LRP1B: variants seen among roughly 807,000 people sequenced by gnomAD.
The protein encoded by LRP1B is LDL receptor related protein 1B.
A neutral mutation model predicts 556.6 loss-of-function variants in LRP1B; 217 were observed. The observed-to-expected ratio is 0.39, with a 90% CI of 0.35 to 0.44. The LOEUF (loss-of-function observed/expected upper bound fraction) is 0.44, where lower values mean the gene tolerates loss of function less well. Among genes scored for constraint, LRP1B ranks in the 20% least tolerant of loss-of-function variants. The pLI is 1.00. For synonymous variants in LRP1B, 2,047 were observed against 1,865.8 expected (o/e 1.10, Z -2.50); for missense variants, 5,053 against 5,620.8 (o/e 0.90, Z 3.23).
chr2:140,684,581 T>C (rs1341306162), intron 41 of LRP1B, among the ~76,000 whole-genome samples: 1 of 152,194 alleles, frequency 6.6e-6, no homozygotes, highest in African/African-American at 2.4e-5. Context: ...CAGATATTCA[T>C]AGATTACAGA....
chr2:141,464,607 T>TATATA lies in LRP1B; in HGVS notation c.343+15788_343+15789insTATAT, dbSNP rs1295526699. ...TTGTATATATATATATATATATATA[T>TATATA]TTTTTTAGTAGAGATGGGGTTTCAC... On this transcript the variant is annotated intron_variant, in intron 3 of 90. Coordinates refer to ENST00000389484, the MANE Select transcript of LRP1B (RefSeq NM_018557.3). 8.3e-5 allele frequency among the ~76,000 whole-genome samples: 5 copies of TATATA among 59,918 alleles called. 1 individual carries two copies. The highest frequency in any genetic ancestry group is 2.3e-4 in the African/African-American group (4 of 17,122). 39.3% of individuals were successfully genotyped at this position (59,918 alleles called of 152,430 possible). A position where few individuals can be genotyped will look rare whatever the true frequency, so the allele number is the denominator to read the frequency against.
chr2:141,232,837 T>C (rs1044977073), intron 5 of LRP1B, among the ~76,000 whole-genome samples: 1 of 152,182 alleles, frequency 6.6e-6, no homozygotes, highest in East Asian at 1.9e-4. Flanking sequence ...GGTTTACCTC[T>C]TTAGACAGAA....
chr2:141,070,333 T>C (rs1250363911), intron 7 of LRP1B, among the ~76,000 whole-genome samples: 1 of 149,734 alleles, frequency 6.7e-6, no homozygotes. Context: ...CATACCAGAA[T>C]CTCTGGGACA....
At chr2:140,970,712 ACCTTTTTTTTTTTTTTTTTTTTT>A (rs1696387922) in intron 18 of LRP1B, among the ~76,000 whole-genome samples, 2 of 126,420 alleles carry the variant, frequency 1.6e-5, no homozygotes, top group African/African-American at 6.7e-5. Flanking sequence ...TAATTTTTTA[ACCTTTTTTTTTTTTTTTTTTTTT>A]TTTTTTTTTT....
chr2:141,897,961 C>T (rs1699504545), intron 1 of LRP1B, among the ~76,000 whole-genome samples: 1 of 152,114 alleles, frequency 6.6e-6, no homozygotes, highest in South Asian at 2.1e-4. Flanking sequence ...TACAGAATTT[C>T]ATAGATGATA....
intron 87 of LRP1B, among the ~76,000 whole-genome samples, chr2:140,241,887 T>C (rs1305732152): frequency 6.6e-6 from 1 of 150,936 alleles, no homozygotes; most frequent in East Asian, 2.0e-4. Flanking sequence ...ACATTGTTAA[T>C]AGAGTATTAG....
At chr2:141,623,217 G>T (rs530989400) in intron 2 of LRP1B, among the ~76,000 whole-genome samples, 2 of 152,058 alleles carry the variant, frequency 1.3e-5, no homozygotes, top group Non-Finnish European at 2.9e-5. Flanking sequence ...ATGTTAACTC[G>T]CATTGTCCAT....
At chr2:140,242,933 A>C (rs2104891329) in intron 87 of LRP1B, among the ~76,000 whole-genome samples, 1 of 151,278 alleles carries the variant, frequency 6.6e-6, no homozygotes, top group African/African-American at 2.4e-5. Flanking sequence ...TTATTGTTTG[A>C]TTCAACTTAG....
intron 2 of LRP1B, among the ~76,000 whole-genome samples, chr2:141,740,094 T>C (rs1357898648): frequency 1.3e-5 from 2 of 152,146 alleles, no homozygotes; most frequent in African/African-American, 2.4e-5. Context: ...AAAACCATCA[T>C]TGTTTCATTA....
chr2:141,390,331 T>C (rs1403451833), intron 3 of LRP1B, among the ~76,000 whole-genome samples: 1 of 152,090 alleles, frequency 6.6e-6, no homozygotes, highest in Non-Finnish European at 1.5e-5. Context: ...AAATTGGAAA[T>C]CTTGTACACT....
chr2:140,471,558 A>G (rs147252425), intron 60 of LRP1B, among the ~76,000 whole-genome samples: 1 of 152,186 alleles, frequency 6.6e-6, no homozygotes, highest in Non-Finnish European at 1.5e-5. Flanking sequence ...AAGCTTACAT[A>G]TATCTCCAAT....
chr2:140,706,510 G>C (rs1686842669), intron 37 of LRP1B, among the ~76,000 whole-genome samples: 1 of 151,992 alleles, frequency 6.6e-6, no homozygotes. Flanking sequence ...AATTTTAAAA[G>C]GGACATTTAA....
At chr2:140,996,237 T>G (rs6728354) in intron 15 of LRP1B, among the ~76,000 whole-genome samples, 149,863 of 152,066 alleles carry the variant, frequency 0.99, 73,893 homozygotes, top group Middle Eastern at 1. Context: ...AATAATTCTA[T>G]CCCTGCCCAA....
chr2:141,930,301 C>A (rs1489666631), intron 1 of LRP1B, among the ~76,000 whole-genome samples: 1 of 151,920 alleles, frequency 6.6e-6, no homozygotes, highest in Non-Finnish European at 1.5e-5. Flanking sequence ...TTATAATGAC[C>A]ATATTCCCCT....
At position 140,935,105 on chromosome 2, in the gene LRP1B, A is replaced by G. The variant is rs536831909; in HGVS notation, c.3137-11958T>C. On this transcript the variant is annotated intron_variant, in intron 20 of 90. Transcript: ENST00000389484. Reference sequence around the variant, plus strand: ...CAAATTTCTAGTTTTCAACAAAAACAAAAATCACAAGGCATGCAAAGAAGA... The same window carrying G: ...CAAATTTCTAGTTTTCAACAAAAACGAAAATCACAAGGCATGCAAAGAAGA... Among the ~76,000 whole-genome samples the G allele has an allele frequency of 2.8e-4, 42 of 152,296 alleles. 1 individual carries two copies. In the South Asian group the frequency reaches 8.5e-3, roughly 31 times the overall value.
At chr2:140,763,148 G>A (rs16844634) in intron 35 of LRP1B, among the ~76,000 whole-genome samples, 4,630 of 151,984 alleles carry the variant, frequency 0.03, 235 homozygotes, top group African/African-American at 0.1. Flanking sequence ...GGATGTTGCC[G>A]GTGGGTTAAG....
chr2:141,927,359 T>G (rs779387957), intron 1 of LRP1B, among the ~76,000 whole-genome samples: 3 of 152,148 alleles, frequency 2.0e-5, no homozygotes, highest in Non-Finnish European at 4.4e-5. Context: ...TCTAAAGTTT[T>G]GAATTTTTAA....
At chr2:141,354,320 A>G (rs942757035) in intron 3 of LRP1B, among the ~76,000 whole-genome samples, 2 of 152,092 alleles carry the variant, frequency 1.3e-5, no homozygotes, top group Non-Finnish European at 2.9e-5. Flanking sequence ...GTTATCTAGA[A>G]GAAGGTCAGC....
intron 31 of LRP1B, among the ~76,000 whole-genome samples, chr2:140,827,805 CCAAAGCATATAATAAT>C (rs1284145313): frequency 6.6e-6 from 1 of 151,748 alleles, no homozygotes; most frequent in Admixed American, 6.6e-5. Context: ...TAAGACTATC[CCAAAGCATATAATAAT>C]CAAGTTCTGA....
Sources: allele counts gnomAD v4.1 joint callset (sites outside exome capture counted in the v4.1 genomes callset), GRCh38; gene constraint gnomAD v4.1.1; transcripts MANE v1.5; gene names NCBI Gene and HGNC (gene_info 2026-07-23, HGNC 2026-07-21).